SYNPR: variants seen among roughly 807,000 people sequenced by gnomAD.
SYNPR encodes the protein synaptoporin.
A neutral mutation model predicts 32.9 loss-of-function variants in SYNPR; 23 were observed. That is an observed-to-expected ratio of 0.70 (90% CI 0.50 to 0.99). SYNPR has a LOEUF of 0.99. Among genes scored for constraint, SYNPR ranks in the 50% least tolerant of loss-of-function variants. SYNPR has a pLI of 0.00. For synonymous variants in SYNPR, 146 were observed against 135.9 expected (o/e 1.07, Z -0.52); for missense variants, 318 against 349.3 (o/e 0.91, Z 0.71).
intron 2 of SYNPR, among the ~76,000 whole-genome samples, chr3:63,354,645 T>A (rs1338896350): frequency 6.6e-6 from 1 of 152,216 alleles, no homozygotes; most frequent in Admixed American, 6.5e-5. Flanking sequence ...AACAGAGGGT[T>A]ATTTTGAGAA....
chr3:63,312,260 G>A (rs1393821026), intron 2 of SYNPR, among the ~76,000 whole-genome samples: 1 of 151,986 alleles, frequency 6.6e-6, no homozygotes, highest in South Asian at 2.1e-4. Context: ...ATATGCATAT[G>A]ATTTTACATT....
At chr3:63,364,519 C>A (rs2087706689) in intron 2 of SYNPR, among the ~76,000 whole-genome samples, 2 of 152,058 alleles carry the variant, frequency 1.3e-5, no homozygotes, top group Non-Finnish European at 1.5e-5. Flanking sequence ...ACAGTTATAT[C>A]TGGATGCAAG....
intron 2 of SYNPR, among the ~76,000 whole-genome samples, chr3:63,301,941 G>A (rs2086862646): frequency 6.6e-6 from 1 of 152,032 alleles, no homozygotes; most frequent in South Asian, 2.1e-4. Context: ...TGACAATGAG[G>A]ACTTTGTCTG....
intron 2 of SYNPR, among the ~76,000 whole-genome samples, chr3:63,371,667 C>A: frequency 6.6e-6 from 1 of 152,202 alleles, no homozygotes; most frequent in Non-Finnish European, 1.5e-5. Flanking sequence ...GCACAGCTGC[C>A]CCACAGAGAA....
chr3:63,487,243 C>G (rs1701173776), intron 3 of SYNPR, among the ~76,000 whole-genome samples: 1 of 152,126 alleles, frequency 6.6e-6, no homozygotes, highest in Non-Finnish European at 1.5e-5. Context: ...AGCTTGGACT[C>G]TAGAGACAGA....
intron 2 of SYNPR, among the ~76,000 whole-genome samples, chr3:63,344,863 A>C (rs1222583300): frequency 6.6e-6 from 1 of 152,172 alleles, no homozygotes; most frequent in Admixed American, 6.5e-5. Flanking sequence ...TGGGTTCAGC[A>C]TGAAATTGTA....
intron 2 of SYNPR, among the ~76,000 whole-genome samples, chr3:63,367,154 T>A (rs1320286048): frequency 6.6e-6 from 1 of 152,296 alleles, no homozygotes; most frequent in East Asian, 1.9e-4. Flanking sequence ...AATTTGAGAT[T>A]GTTGAGATAT....
intron 2 of SYNPR, among the ~76,000 whole-genome samples, chr3:63,465,706 CT>C (rs1359922193): frequency 6.6e-6 from 1 of 152,090 alleles, no homozygotes; most frequent in South Asian, 2.1e-4. Context: ...AAACAAATTG[CT>C]ATGTATCTCT....
chr3:63,227,971 C>T (rs17067895), upstream of SYNPR, among the ~76,000 whole-genome samples: 2,237 of 152,202 alleles, frequency 0.015, 57 homozygotes, highest in African/African-American at 0.051. Flanking sequence ...CTGCCACAGG[C>T]CAGGGTATGC....
intron 2 of SYNPR, among the ~76,000 whole-genome samples, chr3:63,352,921 G>A (rs1456862380): frequency 1.3e-5 from 2 of 152,070 alleles, no homozygotes; most frequent in South Asian, 2.1e-4. Flanking sequence ...ACCTCCCACC[G>A]GGTCCCTCCC....
chr3:63,310,533 A>C (rs2086953805), intron 2 of SYNPR, among the ~76,000 whole-genome samples: 1 of 151,952 alleles, frequency 6.6e-6, no homozygotes, highest in Non-Finnish European at 1.5e-5. Flanking sequence ...GTAGCTTCCT[A>C]TTTCATATAG....
upstream of SYNPR, among the ~76,000 whole-genome samples, chr3:63,225,583 G>A (rs1363838475): frequency 2.0e-5 from 3 of 152,242 alleles, no homozygotes; most frequent in East Asian, 1.9e-4. Context: ...GGGAGCAGAA[G>A]GGAAGGGAAG....
At chr3:63,568,220 C>G (rs764406488) in intron 4 of SYNPR, among the ~76,000 whole-genome samples, 4 of 152,180 alleles carry the variant, frequency 2.6e-5, no homozygotes, top group Non-Finnish European at 4.4e-5. Flanking sequence ...CATTAAGGCA[C>G]TTATTGTTAT....
upstream of SYNPR, among the ~76,000 whole-genome samples, chr3:63,226,004 T>A (rs544979046): frequency 4.0e-5 from 6 of 151,622 alleles, no homozygotes; most frequent in South Asian, 1.2e-3. Context: ...TGATCACTTC[T>A]GTAAGGAAAA....
rs137922710 is a variant in SYNPR at position 63,262,912 on chromosome 3, C to A, written n.155-4405C>A. On this transcript the variant is annotated intron_variant and non_coding_transcript_variant, in intron 2 of 4. Coordinates refer to the SYNPR transcript ENST00000478456. ...TTGACTGCAATACACCTTCTCTTTT[C>A]TCTGGGTCTCCATTTGTTTATTTGC... Among the ~76,000 whole-genome samples, 18 of 152,322 alleles carry A rather than the reference C, an allele frequency of 1.2e-4. No individual in the cohort carries two copies. In the East Asian group the frequency reaches 3.3e-3, roughly 28 times the overall value.
At chr3:63,612,002 A>G (rs1700206568) in intron 5 of SYNPR, among the ~76,000 whole-genome samples, 1 of 152,228 alleles carries the variant, frequency 6.6e-6, no homozygotes. Flanking sequence ...TGAGTCAGGA[A>G]ATAATAGTCA....
At chr3:63,435,765 A>G (rs1261508329) in intron 2 of SYNPR, among the ~76,000 whole-genome samples, 1 of 152,246 alleles carries the variant, frequency 6.6e-6, no homozygotes, top group African/African-American at 2.4e-5. Context: ...ATTTCATCAA[A>G]ATATTTGATG....
intron 2 of SYNPR, among the ~76,000 whole-genome samples, chr3:63,380,853 C>A (rs930376165): frequency 1.3e-5 from 2 of 152,130 alleles, no homozygotes; most frequent in Non-Finnish European, 2.9e-5. Context: ...AATTCAACAG[C>A]CCTTCATGCT....
the SYNPR span, among the ~76,000 whole-genome samples, chr3:63,217,329 G>T: frequency 6.1e-5 from 3 of 49,002 alleles, 1 homozygote; most frequent in African/African-American, 2.1e-4. Flanking sequence ...CTTGCAGTTT[G>T]ATCTCAGACT....
Sources: gnomAD v4.1 joint callset for allele counts (sites outside exome capture counted in the v4.1 genomes callset) on GRCh38, gnomAD v4.1.1 for gene constraint, MANE v1.5 for transcripts, NCBI Gene and HGNC (gene_info 2026-07-23, HGNC 2026-07-21) for gene names.